The following CYRIB variants were observed in gnomAD, a reference collection of about 807,000 sequenced individuals.
CYRIB encodes the protein CYFIP related Rac1 interactor B.
In CYRIB, 8 loss-of-function variants were observed where a neutral mutation model predicts 44.2. The ratio of observed to expected loss-of-function variants is 0.18; its 90% CI spans 0.11 to 0.33. CYRIB has a LOEUF of 0.33. CYRIB is among the 10% of genes least tolerant of loss of function. The pLI is 1.00. For synonymous variants in CYRIB, 131 were observed against 127.2 expected, an observed-to-expected ratio of 1.03 and a Z score of -0.20; for missense variants, 185 against 382.8, an observed-to-expected ratio of 0.48 and a Z score of 4.31.
intron 1 of CYRIB, among the ~76,000 whole-genome samples, chr8:129,989,640 CTTT>C (rs545615460): frequency 1.5e-5 from 2 of 136,792 alleles, no homozygotes; most frequent in African/African-American, 2.7e-5. Context: ...GATGCCCTTT[CTTT>C]TTTTTTTTTT....
At chr8:129,965,572 G>A (rs953567573) in intron 2 of CYRIB, among the ~76,000 whole-genome samples, 9 of 151,968 alleles carry the variant, frequency 5.9e-5, no homozygotes, top group East Asian at 3.9e-4. Context: ...CGAGGCGGGC[G>A]GATCACAAGG....
At chr8:129,984,675 G>C (rs972186001) in intron 1 of CYRIB, among the ~76,000 whole-genome samples, 1 of 152,124 alleles carries the variant, frequency 6.6e-6, no homozygotes, top group African/African-American at 2.4e-5. Flanking sequence ...CATTGCACAC[G>C]CTAGGGCTTT....
chr8:129,911,773 C>T (rs894999369), intron 1 of CYRIB, among the ~76,000 whole-genome samples: 1 of 152,138 alleles, frequency 6.6e-6, no homozygotes, highest in African/African-American at 2.4e-5. Flanking sequence ...AAAAGGCTCA[C>T]CAGGCTTTGA....
chr8:129,985,261 G>A (rs907704848), intron 1 of CYRIB, among the ~76,000 whole-genome samples: 2 of 152,200 alleles, frequency 1.3e-5, no homozygotes, highest in African/African-American at 4.8e-5. Context: ...GATGGGATGG[G>A]CACCACAGCG....
chr8:129,893,668 C>G (rs976560744), intron 2 of CYRIB, among the ~76,000 whole-genome samples: 6 of 152,158 alleles, frequency 3.9e-5, no homozygotes, highest in African/African-American at 1.2e-4. Context: ...CTTTCCTCCC[C>G]TCCTCTCTCA....
chr8:129,938,391 G>C (rs1285131605), intron 1 of CYRIB, among the ~76,000 whole-genome samples: 2 of 152,156 alleles, frequency 1.3e-5, no homozygotes, highest in African/African-American at 4.8e-5. Context: ...ACACTCCTTT[G>C]GAATGCCGAT....
rs552796690 is a variant in CYRIB at position 130,001,164 on chromosome 8, C to T, written c.-296+15206G>A. 7.6e-4 allele frequency among the ~76,000 whole-genome samples: 116 copies of T among 152,210 alleles called. 1 individual carries two copies. In the South Asian group the frequency reaches 0.016, roughly 21 times the overall value. On this transcript the variant is annotated intron_variant, in intron 1 of 14. Transcript: ENST00000401979. ...GCTCAGCCAGCCGCTGGGGTGCCTT[C>T]GTCTGTCTGCTCCGTATGGGCTTCT...
intron 1 of CYRIB, among the ~76,000 whole-genome samples, chr8:129,998,001 G>A (rs1387447975): frequency 1.3e-5 from 2 of 151,548 alleles, no homozygotes; most frequent in Non-Finnish European, 2.9e-5. Flanking sequence ...CACGCCTGTA[G>A]TCCCAGCTAC....
chr8:129,861,752 ATTTCTC>A (rs2049755500), intron 5 of CYRIB, among the ~76,000 whole-genome samples: 1 of 151,880 alleles, frequency 6.6e-6, no homozygotes, highest in Non-Finnish European at 1.5e-5. Context: ...CACCCAGCCT[ATTTCTC>A]ATCTTCTACA....
intron 1 of CYRIB, among the ~76,000 whole-genome samples, chr8:129,993,150 G>A (rs1485248197): frequency 6.6e-6 from 1 of 152,154 alleles, no homozygotes; most frequent in Non-Finnish European, 1.5e-5. Context: ...CAGCACTTTG[G>A]GAGGCCAAGG....
intron 1 of CYRIB, among the ~76,000 whole-genome samples, chr8:129,982,326 C>A (rs1413778298): frequency 6.6e-6 from 1 of 152,220 alleles, no homozygotes; most frequent in Non-Finnish European, 1.5e-5. Context: ...AATACCTTAG[C>A]TTGGGCCACA....
chr8:129,975,014 G>A (rs762720402), intron 1 of CYRIB, among the ~76,000 whole-genome samples: 7 of 151,906 alleles, frequency 4.6e-5, no homozygotes, highest in African/African-American at 7.2e-5. Context: ...CGAGTAGCTT[G>A]GGACTACAGG....
chr8:129,949,634 G>A (rs1331664783), intron 2 of CYRIB, among the ~76,000 whole-genome samples: 1 of 151,888 alleles, frequency 6.6e-6, no homozygotes, highest in Non-Finnish European at 1.5e-5. Context: ...TTGGGAGGCC[G>A]AGGTGGGCAG....
At chr8:129,958,096 G>A (rs894478776) in intron 2 of CYRIB, among the ~76,000 whole-genome samples, 1 of 152,184 alleles carries the variant, frequency 6.6e-6, no homozygotes, top group Non-Finnish European at 1.5e-5. Context: ...GATGGAGGTT[G>A]TAGTGAGCCA....
intron 1 of CYRIB, among the ~76,000 whole-genome samples, chr8:129,974,051 A>G (rs1317272368): frequency 6.6e-6 from 1 of 152,024 alleles, no homozygotes; most frequent in African/African-American, 2.4e-5. Flanking sequence ...CCTCCCTGAA[A>G]ATGAGCACTG....
chr8:129,870,622 C>A (rs965251468), intron 4 of CYRIB, among the ~76,000 whole-genome samples: 2 of 152,124 alleles, frequency 1.3e-5, no homozygotes, highest in Non-Finnish European at 1.5e-5. Flanking sequence ...ACCCTGATGA[C>A]CTCTGCACTC....
intron 2 of CYRIB, 50 bp from the exon 5 acceptor site, chr8:129,879,521 A>C: frequency 3.8e-6 from 5 of 1,324,334 alleles, no homozygotes; most frequent in Non-Finnish European, 5.3e-6. Context: ...ATAAAAAAGA[A>C]CATCTGAAGT....
chr8:130,001,726 C>T (rs888600805), intron 1 of CYRIB, among the ~76,000 whole-genome samples: 4 of 151,796 alleles, frequency 2.6e-5, no homozygotes, highest in African/African-American at 4.8e-5. Flanking sequence ...GTGATCTGCC[C>T]GCCTCGACTT....
intron 1 of CYRIB, among the ~76,000 whole-genome samples, chr8:129,997,096 G>GGGAAGGAA (rs1176823467): frequency 6.4e-5 from 6 of 93,132 alleles, no homozygotes; most frequent in Admixed American, 5.5e-4. Context: ...GAAGGAGGGA[G>GGGAAGGAA]GGAAGGAAGG....
Sources: allele counts gnomAD v4.1 joint callset (sites outside exome capture counted in the v4.1 genomes callset), GRCh38; gene constraint gnomAD v4.1.1; transcripts MANE v1.5; gene names NCBI Gene and HGNC (gene_info 2026-07-23, HGNC 2026-07-21).